CCNY: variants seen among roughly 807,000 people sequenced by gnomAD.
CCNY encodes cyclin Y.
CCNY carries 19 observed loss-of-function variants against 42.8 expected under a neutral mutation model. That is an observed-to-expected ratio of 0.44 (90% CI 0.31 to 0.65). The LOEUF (loss-of-function observed/expected upper bound fraction) is 0.65. CCNY is among the 30% of genes least tolerant of loss of function. The pLI is 0.07. For synonymous variants in CCNY, 165 were observed against 162.7 expected, an observed-to-expected ratio of 1.01 and a Z score of -0.11; for missense variants, 370 against 437.3, an observed-to-expected ratio of 0.85 and a Z score of 1.37.
At chr10:35,382,132 A>AT (rs1214956662) in intron 1 of CCNY, among the ~76,000 whole-genome samples, 12 of 152,272 alleles carry the variant, frequency 7.9e-5, no homozygotes, top group African/African-American at 2.6e-4. Flanking sequence ...TTTTTCTGTG[A>AT]TTCGTTTTTA....
intron 3 of CCNY, among the ~76,000 whole-genome samples, chr10:35,308,790 G>A (rs1835646738): frequency 6.6e-6 from 1 of 152,166 alleles, no homozygotes; most frequent in Non-Finnish European, 1.5e-5. Flanking sequence ...GACCTGGTGA[G>A]GGCTCAGAGT....
intron 1 of CCNY, among the ~76,000 whole-genome samples, chr10:35,354,913 A>G (rs1836511600): frequency 6.6e-6 from 1 of 151,946 alleles, no homozygotes; most frequent in Non-Finnish European, 1.5e-5. Flanking sequence ...TCTCAAATTT[A>G]TTTTTCTTTT....
intron 3 of CCNY, chr10:35,501,806 C>A: frequency 2.6e-6 from 1 of 380,154 alleles, no homozygotes; most frequent in Non-Finnish European, 4.7e-6. Flanking sequence ...CCCAGCAAGT[C>A]CAAGCGAAAG....
chr10:35,538,883 T>C (rs1363769875), intron 7 of CCNY, among the ~76,000 whole-genome samples: 1 of 152,246 alleles, frequency 6.6e-6, no homozygotes, highest in Non-Finnish European at 1.5e-5. Context: ...GATTTACCCC[T>C]ATATCTTCCT....
At position 35,530,321 on chromosome 10, in the gene CCNY, G is replaced by A. The variant is rs565259545; in HGVS notation, c.579+78G>A. 1.5e-4 allele frequency: 234 copies of A among 1,574,704 alleles called. No homozygotes were observed. The highest frequency in any genetic ancestry group is 1.9e-4 in the Non-Finnish European group (223 of 1,154,588). ...CCGTTCCTGTTACTCAGCGGAGTGAGGTTGGAGCAGGGAATCCTCACCAGG... is the reference window on the plus strand; with the variant it reads ...CCGTTCCTGTTACTCAGCGGAGTGAAGTTGGAGCAGGGAATCCTCACCAGG... On this transcript the variant is annotated intron_variant, in intron 7 of 9. Transcript: ENST00000374704. The surrounding 1 kb of genome is among the most constrained non-coding windows in gnomAD (Gnocchi z 4.3).
intron 1 of CCNY, among the ~76,000 whole-genome samples, chr10:35,376,486 T>C (rs1339021317): frequency 1.3e-5 from 2 of 152,214 alleles, no homozygotes; most frequent in Non-Finnish European, 2.9e-5. Context: ...ATTCCTAATC[T>C]GAAAATCCAA....
At chr10:35,395,118 A>G (rs1326762920) in intron 1 of CCNY, among the ~76,000 whole-genome samples, 3 of 152,200 alleles carry the variant, frequency 2.0e-5, no homozygotes, top group African/African-American at 7.2e-5. Context: ...TCCCTTAAAG[A>G]TGACTCAGAC....
intron 1 of CCNY, among the ~76,000 whole-genome samples, chr10:35,410,144 A>C (rs1837872266): frequency 6.6e-6 from 1 of 152,188 alleles, no homozygotes; most frequent in South Asian, 2.1e-4. Context: ...AGAGACAGAC[A>C]CATGGTAAGC....
At chr10:35,373,962 A>G (rs1438164190) in intron 1 of CCNY, among the ~76,000 whole-genome samples, 2 of 151,282 alleles carry the variant, frequency 1.3e-5, no homozygotes, top group African/African-American at 4.8e-5. Flanking sequence ...AACTTTTTTC[A>G]TGTTAATTGC....
intron 1 of CCNY, among the ~76,000 whole-genome samples, chr10:35,345,377 G>A (rs1031265592): frequency 1.5e-4 from 23 of 151,780 alleles, no homozygotes; most frequent in Middle Eastern, 3.4e-3. Context: ...GCTGAGGCAG[G>A]AGAATGGCGT....
At chr10:35,388,320 A>G (rs1038603912) in intron 1 of CCNY, among the ~76,000 whole-genome samples, 1 of 152,248 alleles carries the variant, frequency 6.6e-6, no homozygotes, top group Non-Finnish European at 1.5e-5. Flanking sequence ...GAAGGCCCAG[A>G]TGAACACTTA....
intron 3 of CCNY, among the ~76,000 whole-genome samples, chr10:35,318,510 A>G (rs1182448046): frequency 6.6e-6 from 1 of 152,204 alleles, no homozygotes; most frequent in East Asian, 1.9e-4. Context: ...TATATACAGA[A>G]AGGTAAATGA....
At chr10:35,523,519 G>T (rs757217444) in intron 4 of CCNY, among the ~76,000 whole-genome samples, 2 of 152,096 alleles carry the variant, frequency 1.3e-5, no homozygotes, top group Non-Finnish European at 2.9e-5. Context: ...CCTCATCCTG[G>T]TGGTCTCACT....
At chr10:35,450,934 T>C (rs1838902764) in intron 1 of CCNY, among the ~76,000 whole-genome samples, 1 of 152,160 alleles carries the variant, frequency 6.6e-6, no homozygotes, top group Non-Finnish European at 1.5e-5. Flanking sequence ...GGTGTGGGGC[T>C]CAGCTTTAAG....
intron 3 of CCNY, among the ~76,000 whole-genome samples, chr10:35,289,166 T>C: frequency 1.3e-5 from 2 of 152,250 alleles, no homozygotes; most frequent in Middle Eastern, 6.8e-3. Flanking sequence ...TATATTATTA[T>C]AAATGATATT....
chr10:35,520,797 C>G (rs2135413207), intron 4 of CCNY, among the ~76,000 whole-genome samples: 1 of 152,232 alleles, frequency 6.6e-6, no homozygotes, highest in Admixed American at 6.5e-5. Context: ...CCCTAAATGC[C>G]AACAGCTGTG....
At chr10:35,328,904 A>G (rs1029007483) in intron 3 of CCNY, among the ~76,000 whole-genome samples, 3 of 152,228 alleles carry the variant, frequency 2.0e-5, no homozygotes, top group Non-Finnish European at 4.4e-5. Flanking sequence ...AAAGAGTAAA[A>G]CAAGTTCTGT....
intron 3 of CCNY, among the ~76,000 whole-genome samples, chr10:35,291,109 G>A (rs909483385): frequency 1.4e-4 from 21 of 151,742 alleles, no homozygotes; most frequent in African/African-American, 4.8e-4. Flanking sequence ...GGGTTCAAGC[G>A]ATTCTCCCAC....
chr10:35,447,416 T>C (rs573505173), intron 1 of CCNY, among the ~76,000 whole-genome samples: 2 of 152,230 alleles, frequency 1.3e-5, no homozygotes, highest in East Asian at 1.9e-4. Context: ...GAGCAATTTT[T>C]ATTTATATTT....
Sources: allele counts gnomAD v4.1 joint callset (sites outside exome capture counted in the v4.1 genomes callset), GRCh38; gene constraint gnomAD v4.1.1; non-coding constraint Gnocchi (gnomAD v3.1); transcripts MANE v1.5; gene names NCBI Gene and HGNC (gene_info 2026-07-23, HGNC 2026-07-21).